The following COL4A4 variants were observed in gnomAD, a reference collection of about 807,000 sequenced individuals.
COL4A4 encodes collagen alpha-4(IV) chain.
Under a neutral mutation model 192.9 loss-of-function variants are expected in COL4A4, and 105 were observed. The observed-to-expected ratio is 0.54, with a 90% CI of 0.46 to 0.64. COL4A4 has a LOEUF of 0.64. COL4A4 is among the 30% of genes least tolerant of loss of function. The probability of loss-of-function intolerance (pLI) is 0.00; values close to 1 mark genes in which losing one functional copy is unlikely to be tolerated. For missense variants in COL4A4, 1,967 were observed against 2,169.3 expected, an observed-to-expected ratio of 0.91 and a Z score of 1.85; for synonymous variants, 762 against 769.9, an observed-to-expected ratio of 0.99 and a Z score of 0.17.
intron 33 of COL4A4, among the ~76,000 whole-genome samples, chr2:227,050,336 G>A (rs1425249140): frequency 1.3e-5 from 2 of 152,162 alleles, no homozygotes; most frequent in African/African-American, 4.8e-5. Context: ...AGAGTTCTCA[G>A]TCGCAACTGG....
chr2:227,123,164 G>A lies in COL4A4; in HGVS notation c.193-2016C>T, dbSNP rs760016630. 2.0e-5 allele frequency among the ~76,000 whole-genome samples: 3 copies of A among 152,140 alleles called. No individual in the cohort carries two copies. Among genetic ancestry groups the A allele is most frequent in the Non-Finnish European group, 4.4e-5 (3 of 68,016 alleles). On this transcript the variant is annotated intron_variant, in intron 4 of 47. Transcript: ENST00000396625. The surrounding 1 kb of genome is among the most constrained non-coding windows in gnomAD (Gnocchi z 4.6). ...TACAGGTGTAAGCCACCATGCCCAG[G>A]TGGGATGTCACTTTAGATAGTGCTG...
chr2:227,020,674 G>A (rs1017713906), intron 44 of COL4A4, among the ~76,000 whole-genome samples: 1 of 152,038 alleles, frequency 6.6e-6, no homozygotes, highest in African/African-American at 2.4e-5. Flanking sequence ...GGCAGTGAGG[G>A]GGGGTGAAAG....
At chr2:227,129,195 C>T (rs1576724688) in intron 4 of COL4A4, among the ~76,000 whole-genome samples, 1 of 152,130 alleles carries the variant, frequency 6.6e-6, no homozygotes, top group Non-Finnish European at 1.5e-5. Context: ...AGCTGAGACT[C>T]AAAGACATGA....
intron 44 of COL4A4, among the ~76,000 whole-genome samples, chr2:227,015,725 A>T (rs1161185764): frequency 6.6e-6 from 1 of 152,196 alleles, no homozygotes; most frequent in Admixed American, 6.5e-5. Flanking sequence ...GTAGTGGTTA[A>T]ATAAATTATG....
At chr2:226,988,327 T>G in the COL4A4 span, 1 of 1,548,684 alleles carries the variant, frequency 6.5e-7, no homozygotes, top group Non-Finnish European at 8.7e-7. Context: ...CCTGAACATC[T>G]GCAGGAAAAC....
chr2:227,116,612 A>G (rs927930941), intron 7 of COL4A4, among the ~76,000 whole-genome samples: 2 of 152,256 alleles, frequency 1.3e-5, no homozygotes, highest in Admixed American at 1.3e-4. Context: ...TGGAAATGAA[A>G]TTCAAATAAA....
chr2:226,977,142 A>G, the COL4A4 span, among the ~76,000 whole-genome samples: 5 of 152,224 alleles, frequency 3.3e-5, no homozygotes, highest in South Asian at 8.3e-4. Flanking sequence ...TTGTTCTGGA[A>G]ATGAGGAACT....
chr2:227,008,367 T>C (rs1239565674), intron 46 of COL4A4, 63 bp from the exon 47 acceptor site: 22 of 1,561,454 alleles, frequency 1.4e-5, no homozygotes, highest in Non-Finnish European at 1.9e-5. Context: ...CCCAGACCCT[T>C]CCTTCCTCCA....
intron 18 of COL4A4, among the ~76,000 whole-genome samples, 165 bp from the exon 19 acceptor site, chr2:227,098,963 G>A (rs2060356046): frequency 6.6e-6 from 1 of 152,218 alleles, no homozygotes; most frequent in Non-Finnish European, 1.5e-5. Flanking sequence ...CGCCTTGGCT[G>A]TGCCTCTTCC....
chr2:226,997,388 A>T, the COL4A4 span: 1 of 152,192 alleles, frequency 6.6e-6, no homozygotes, highest in Non-Finnish European at 1.5e-5. Context: ...GCTATAACAC[A>T]TCTTGCCCCT....
At chr2:226,970,702 A>C in the COL4A4 span, among the ~76,000 whole-genome samples, 2 of 152,186 alleles carry the variant, frequency 1.3e-5, no homozygotes, top group African/African-American at 2.4e-5. Context: ...AATATTTTCC[A>C]ATGTACTTTT....
In COL4A4 at chr2:227,007,039, C is replaced by T. The variant is rs1034975987; in HGVS notation, c.*286G>A. ...AATCTGGCCTTTATCATCTACTTGC[C>T]TTTCTGAGAATTAGCATATTTTTAA... On this transcript the variant is annotated 3_prime_UTR_variant, in exon 48 of 48. Transcript: ENST00000396625. 5 of 463,572 alleles carry T rather than the reference C, an allele frequency of 1.1e-5. No individual in the cohort carries two copies. The highest frequency in any genetic ancestry group is 2.0e-5 in the Non-Finnish European group (5 of 251,778). 28.7% of individuals were successfully genotyped at this position (463,572 alleles called of 1,614,324 possible).
At chr2:227,051,253 C>G in intron 32 of COL4A4, 95 bp from the exon 33 acceptor site, 4 of 1,279,190 alleles carry the variant, frequency 3.1e-6, no homozygotes, top group Non-Finnish European at 4.6e-6. Flanking sequence ...GGAGATAAAG[C>G]CAAAGGTATT....
intron 25 of COL4A4, among the ~76,000 whole-genome samples, chr2:227,069,869 G>C (rs1430560218): frequency 6.6e-6 from 1 of 151,546 alleles, no homozygotes; most frequent in Non-Finnish European, 1.5e-5. Context: ...ATTGACAAAT[G>C]GGATCTAATT....
chr2:227,094,605 T>A (rs866594886), intron 19 of COL4A4, among the ~76,000 whole-genome samples: 40 of 152,216 alleles, frequency 2.6e-4, no homozygotes, highest in South Asian at 8.3e-4. Context: ...GCAAGATAAA[T>A]AAGTTCCAGA....
chr2:226,999,456 C>T (rs1238931071), downstream of COL4A4, among the ~76,000 whole-genome samples: 1 of 152,144 alleles, frequency 6.6e-6, no homozygotes, highest in Non-Finnish European at 1.5e-5. Flanking sequence ...AGAAGTGTCA[C>T]CAAGGAGTCC....
chr2:227,152,323 A>G (rs2064005205), intron 1 of COL4A4, among the ~76,000 whole-genome samples: 1 of 152,256 alleles, frequency 6.6e-6, no homozygotes, highest in Non-Finnish European at 1.5e-5. Context: ...CTACAAAAGG[A>G]TATACATGAC....
intron 4 of COL4A4, among the ~76,000 whole-genome samples, chr2:227,122,020 C>G (rs2061827183): frequency 6.6e-6 from 1 of 152,162 alleles, no homozygotes; most frequent in South Asian, 2.1e-4. Flanking sequence ...TATCTAATTT[C>G]TTAGTCATAT....
chr2:227,117,133 C>T (rs1559666665), intron 7 of COL4A4, among the ~76,000 whole-genome samples: 1 of 152,144 alleles, frequency 6.6e-6, no homozygotes, highest in Non-Finnish European at 1.5e-5. Flanking sequence ...TGGTTTTTAG[C>T]TTGCCTGGTC....
Sources: allele counts gnomAD v4.1 joint callset (sites outside exome capture counted in the v4.1 genomes callset), GRCh38; gene constraint gnomAD v4.1.1; non-coding constraint Gnocchi (gnomAD v3.1); transcripts MANE v1.5; gene names NCBI Gene and HGNC (gene_info 2026-07-23, HGNC 2026-07-21).